The following MAP3K9 variants were observed in gnomAD, a reference collection of about 807,000 sequenced individuals.
MAP3K9 encodes mixed lineage kinase 1 (tyr and ser/thr specificity).
In MAP3K9, 46 loss-of-function variants were observed where a neutral mutation model predicts 95.8. The ratio of observed to expected loss-of-function variants is 0.48; its 90% CI spans 0.38 to 0.61. The LOEUF (loss-of-function observed/expected upper bound fraction) is 0.61. MAP3K9 is among the 20% of genes least tolerant of loss of function. The pLI is 0.00. For synonymous variants in MAP3K9, 533 were observed against 593.8 expected, an observed-to-expected ratio of 0.90 and a Z score of 1.49; for missense variants, 1,296 against 1,474.3, an observed-to-expected ratio of 0.88 and a Z score of 1.98.
Position 70,809,104 on chromosome 14 carries a change from T to C in MAP3K9, c.68A>G (p.Asp23Gly). 4.3e-6 allele frequency: 6 copies of C among 1,382,242 alleles called. No individual in the cohort carries two copies. The highest frequency in any genetic ancestry group is 5.6e-6 in the Non-Finnish European group (6 of 1,077,324). The allele number at this position is 1,382,242 out of a possible 1,614,324, so 85.6% of individuals were successfully genotyped here. A position where few individuals can be genotyped will look rare whatever the true frequency, so the allele number is the denominator to read the frequency against. The change falls in exon 1 of 12, where the codon GAT becomes GGT. Residue 23 changes from aspartate (D) to glycine (G), a missense_variant. Around this residue, in one of 5 missense-constraint regions of MAP3K9, gnomAD observed 338 missense variants for 363.4 expected, o/e 0.93. Transcript: ENST00000554752. ...CTCCTCGGCCCCGGCCCCTGCTCCA[T>C]CCTCCCCCGGCGGGGCGGCAGCGGC... Reference protein sequence around the residue: ...SAAAAAPPGEDGAGAGAEEEE... With the variant: ...SAAAAAPPGEGGAGAGAEEEE...
chr14:70,809,042 C>A lies in MAP3K9; in HGVS notation c.130G>T (p.Gly44Cys). 1 of 1,464,198 alleles carries A rather than the reference C, an allele frequency of 6.8e-7. No homozygotes were observed. Among genetic ancestry groups the A allele is most frequent in the Non-Finnish European group, 9.0e-7 (1 of 1,113,522 alleles). 90.7% of individuals were successfully genotyped at this position (1,464,198 alleles called of 1,614,324 possible). Residue 44 changes from glycine to cysteine, a missense_variant, in exon 1 of 12, where the codon GGC becomes TGC. By Grantham distance (159) the Gly-to-Cys change is radical. Coordinates refer to ENST00000554752, the MANE Select transcript of MAP3K9 (RefSeq NM_001284230.2). ...GCGTCGCAGCCCAGCTCCCCGGGGC[C>A]CACCGCCGCCGCCGCCTCCTCCTCC... The part of the protein sequence containing the change: ...EEEEEAAAAV[G>C]PGELGCDAPL...
chr14:70,748,757 G>T, intron 5 of MAP3K9, 72 bp downstream of exon 5: 2 of 1,230,366 alleles, frequency 1.6e-6, no homozygotes, highest in Non-Finnish European at 2.3e-6. Context: ...CCCTGTGAGT[G>T]AGGTCTACCA....
At chr14:70,765,763 A>G (rs1348438017) in intron 2 of MAP3K9, among the ~76,000 whole-genome samples, 43 of 4,286 alleles carry the variant, frequency 0.01, no homozygotes, top group Non-Finnish European at 0.017. Context: ...AAAAAAAACA[A>G]AAAAAAAAAA....
intron 3 of MAP3K9, among the ~76,000 whole-genome samples, chr14:70,759,715 C>A (rs1464111655): frequency 2.0e-5 from 3 of 152,074 alleles, no homozygotes; most frequent in Admixed American, 1.3e-4. Context: ...CAATGGTGAC[C>A]CATACACACC....
intron 3 of MAP3K9, among the ~76,000 whole-genome samples, chr14:70,756,604 A>C (rs1365604270): frequency 6.6e-6 from 1 of 152,256 alleles, no homozygotes; most frequent in East Asian, 1.9e-4. Context: ...GATAGTTTCC[A>C]AATTAAAGAT....
intron 5 of MAP3K9, among the ~76,000 whole-genome samples, chr14:70,742,911 T>TTATATATATATA (rs3081458): frequency 7.0e-6 from 1 of 143,114 alleles, no homozygotes; most frequent in Non-Finnish European, 1.5e-5. Flanking sequence ...TTATATATAT[T>TTATATATATATA]TATATATATA....
chr14:70,772,562 T>G (rs1356555154), intron 2 of MAP3K9, among the ~76,000 whole-genome samples: 1 of 152,196 alleles, frequency 6.6e-6, no homozygotes, highest in Non-Finnish European at 1.5e-5. Flanking sequence ...TTAAATCAGT[T>G]TAGGTACTGG....
At chr14:70,756,199 GCA>G (rs530099330) in intron 3 of MAP3K9, among the ~76,000 whole-genome samples, 23 of 152,158 alleles carry the variant, frequency 1.5e-4, no homozygotes, top group Non-Finnish European at 2.8e-4. Context: ...TCTACATGCG[GCA>G]TTTGTGCTTT....
chr14:70,730,796 C>T lies in MAP3K9; in HGVS notation c.2899G>A (p.Val967Ile). 1 of 1,613,128 alleles carries T rather than the reference C, an allele frequency of 6.2e-7. No homozygotes were observed. Among genetic ancestry groups the T allele is most frequent in the Non-Finnish European group, 8.5e-7 (1 of 1,179,930 alleles). Residue 967 changes from valine to isoleucine, a missense_variant, in exon 12 of 12, where the codon GTC becomes ATC. Val to Ile is a conservative substitution (Grantham distance 29). This residue lies in a region of MAP3K9 where 433 missense variants were observed against 441.4 expected (regional missense o/e 0.98). Transcript: ENST00000554752. ...CAGCGCCTTGGGGTTGGGGGGAAGACCACATTGGGGTCAGGGAGACGGGGG... is the reference window on the plus strand; with the variant it reads ...CAGCGCCTTGGGGTTGGGGGGAAGATCACATTGGGGTCAGGGAGACGGGGG... ...EFPRLPDPNV[V>I]FPPTPRRWNT...
At position 70,809,065 on chromosome 14, in the gene MAP3K9, T is replaced by A; in HGVS notation, c.107A>T (p.Glu36Val). ...GAGAEEEEEE[E>V]EEAAAAVGPG... Reference sequence around the variant, plus strand: ...GCCCACCGCCGCCGCCGCCTCCTCCTCCTCCTCCTCCTCCTCCTCGGCCCC... The same window carrying A: ...GCCCACCGCCGCCGCCGCCTCCTCCACCTCCTCCTCCTCCTCCTCGGCCCC... The change falls in exon 1 of 12, where the codon GAG becomes GTG. Residue 36 changes from glutamate to valine, a missense_variant. Coordinates refer to ENST00000554752, the MANE Select transcript of MAP3K9 (RefSeq NM_001284230.2). 1 of 1,432,236 alleles carries A rather than the reference T, an allele frequency of 7.0e-7. No homozygotes were observed. Among genetic ancestry groups the A allele is most frequent in the South Asian group, 1.5e-5 (1 of 68,638 alleles). 88.7% of individuals were successfully genotyped at this position (1,432,236 alleles called of 1,614,324 possible). A position where few individuals can be genotyped will look rare whatever the true frequency, so the allele number is the denominator to read the frequency against.
chr14:70,781,551 T>C (rs2054676003), intron 2 of MAP3K9, among the ~76,000 whole-genome samples: 1 of 152,198 alleles, frequency 6.6e-6, no homozygotes, highest in Non-Finnish European at 1.5e-5. Context: ...ATGGAAACAG[T>C]AGGTGATACA....
chr14:70,746,725 G>C (rs1433985474), intron 5 of MAP3K9, among the ~76,000 whole-genome samples: 1 of 152,174 alleles, frequency 6.6e-6, no homozygotes, highest in Non-Finnish European at 1.5e-5. Flanking sequence ...AAGAAAGCAT[G>C]GCACATAGCA....
chr14:70,764,248 G>A (rs1198592018), intron 2 of MAP3K9, among the ~76,000 whole-genome samples: 2 of 146,668 alleles, frequency 1.4e-5, no homozygotes, highest in Non-Finnish European at 3.0e-5. Context: ...TCTTCAGGAA[G>A]TATTCCAGAA....
intron 2 of MAP3K9, among the ~76,000 whole-genome samples, chr14:70,779,081 G>A (rs1594800146): frequency 6.6e-6 from 1 of 152,202 alleles, no homozygotes; most frequent in Admixed American, 6.5e-5. Flanking sequence ...GTCCAAGAGG[G>A]CTGAGGGGCC....
At chr14:70,758,146 A>G (rs538751241) in intron 3 of MAP3K9, among the ~76,000 whole-genome samples, 1 of 152,336 alleles carries the variant, frequency 6.6e-6, no homozygotes, top group South Asian at 2.1e-4. Context: ...CTAATCATAT[A>G]TCTGATGAGA....
rs1284656077 is a variant in MAP3K9 at position 70,726,621 on chromosome 14, A to G, written c.*3759T>C. ...TTAGGAAAGAATGCTTGTCAACACC[A>G]GATGCTATATAAATGCGGCAGAAGG... On this transcript the variant is annotated 3_prime_UTR_variant, in exon 12 of 12. Transcript: ENST00000554752. The G allele has an allele frequency of 6.6e-6, 1 of 152,282 alleles. No homozygotes were observed. The highest frequency in any genetic ancestry group is 6.5e-5 in the Admixed American group (1 of 15,290). 9.4% of individuals were successfully genotyped at this position (152,282 alleles called of 1,614,324 possible).
At chr14:70,778,958 G>C (rs1487386773) in intron 2 of MAP3K9, among the ~76,000 whole-genome samples, 5 of 152,146 alleles carry the variant, frequency 3.3e-5, no homozygotes, top group African/African-American at 1.2e-4. Flanking sequence ...TCCTTAGAAG[G>C]GGCTCACAGA....
At chr14:70,779,962 T>C (rs904343860) in intron 2 of MAP3K9, among the ~76,000 whole-genome samples, 10 of 152,242 alleles carry the variant, frequency 6.6e-5, no homozygotes, top group Non-Finnish European at 1.2e-4. Context: ...ATGAGCTTCC[T>C]GGGGCTGGCT....
At chr14:70,808,005 C>G (rs11158882) in intron 1 of MAP3K9, among the ~76,000 whole-genome samples, 45,425 of 151,966 alleles carry the variant, frequency 0.3, 7,075 homozygotes, top group Admixed American at 0.34. Context: ...AATGTATTTC[C>G]CAAACAGCCT....
Sources: gnomAD v4.1 joint callset for allele counts (sites outside exome capture counted in the v4.1 genomes callset) on GRCh38, gnomAD v4.1.1 for gene constraint, gnomAD v4.1.1 regional missense constraint, MANE v1.5 for transcripts, NCBI Gene and HGNC (gene_info 2026-07-23, HGNC 2026-07-21) for gene names.